The following TMC6 variants were observed in gnomAD, a reference collection of about 807,000 sequenced individuals.
The protein encoded by TMC6 is transmembrane channel-like protein 6.
A neutral mutation model predicts 95.4 loss-of-function variants in TMC6; 71 were observed. The observed-to-expected ratio is 0.74, with a 90% CI of 0.61 to 0.91. TMC6 has a LOEUF of 0.91. Ranked by LOEUF, TMC6 falls within the 40% of genes least tolerant of loss-of-function variation. The pLI, the probability that TMC6 is intolerant of heterozygous loss-of-function variation, is 0.00. For synonymous variants in TMC6, 514 were observed against 483.1 expected, an observed-to-expected ratio of 1.06 and a Z score of -0.84; for missense variants, 1,074 against 1,079.1, an observed-to-expected ratio of 1.00 and a Z score of 0.07.
chr17:78,123,850 TG>T, intron 9 of TMC6, 138 bp downstream of exon 9: 4 of 1,164,300 alleles, frequency 3.4e-6, no homozygotes, highest in Non-Finnish European at 3.8e-6. Flanking sequence ...AGTGGATAGT[TG>T]GATAGGTGAG....
At chr17:78,117,691 C>T (rs1226662183) in intron 16 of TMC6, 47 bp from the exon 17 acceptor site, 2 of 1,554,698 alleles carry the variant, frequency 1.3e-6, no homozygotes, top group Non-Finnish European at 1.7e-6. Flanking sequence ...CAACAGTTCA[C>T]CCGGCTCCCT....
rs118032233 is a variant in TMC6, at chr17:78,111,491, G to C, written c.*1657C>G. The C allele has an allele frequency of 6.6e-6, 1 of 152,396 alleles. No individual in the cohort carries two copies. The highest frequency in any genetic ancestry group is 1.5e-5 in the Non-Finnish European group (1 of 68,142). The allele number at this position is 152,396 out of a possible 1,614,324, so 9.4% of individuals were successfully genotyped here. A position where few individuals can be genotyped will look rare whatever the true frequency, so the allele number is the denominator to read the frequency against. ...TACGTCGGTCCCTGTGGACTGTCAC[G>C]TCACTTTCTGGACTGCCCACGCAGC... On this transcript the variant is annotated 3_prime_UTR_variant, in exon 20 of 20. Transcript: ENST00000590602.
At position 78,119,323 on chromosome 17, in the gene TMC6, C is replaced by G. The variant is rs1180466290; in HGVS notation, c.1785G>C (p.Glu595Asp). 1.2e-6 allele frequency: 2 copies of G among 1,613,954 alleles called. No homozygotes were observed. The highest frequency in any genetic ancestry group is 1.3e-5 in the African/African-American group (1 of 74,934). The part of the protein sequence containing the change: ...PEFDIARNVL[E>D]LIYGQTLTWL... The stretch of plus-strand genomic sequence containing the variant: ...AGGTCAGAGTCTGCCCATAAATCAG[C>G]TCCAGGACATTCCGGGCAATGTCAA... The change falls in exon 14 of 20, where the codon GAG (glutamate) becomes GAC (aspartate). Residue 595 changes from glutamate to aspartate, a missense_variant. Transcript: ENST00000590602.
At chr17:78,125,100 G>A in intron 6 of TMC6, 58 bp downstream of exon 6, 1 of 1,544,272 alleles carries the variant, frequency 6.5e-7, no homozygotes, top group South Asian at 1.2e-5. Context: ...TAGCCCAGCT[G>A]AGGAAGTGGG....
chr17:78,109,261 GC>G lies in TMC6; in HGVS notation c.*3886del, dbSNP rs2073775998. Reference sequence around the variant, plus strand: ...AGCAGACACAGAGGCATCATGGCGAGCCCCGACTGAGTGTTCAGTGAAGAGG... The same window carrying G: ...AGCAGACACAGAGGCATCATGGCGAGCCCGACTGAGTGTTCAGTGAAGAGG... On this transcript the variant is annotated 3_prime_UTR_variant, in exon 20 of 20. Transcript: ENST00000590602. The G allele has an allele frequency of 2.8e-6, 1 of 355,188 alleles. No individual in the cohort carries two copies. The highest frequency in any genetic ancestry group is 3.8e-5 in the Admixed American group (1 of 26,338). 22.0% of individuals were successfully genotyped at this position (355,188 alleles called of 1,614,324 possible). A position where few individuals can be genotyped will look rare whatever the true frequency, so the allele number is the denominator to read the frequency against.
chr17:78,124,220 C>T (rs764219684), intron 8 of TMC6, 41 bp from the exon 9 acceptor site: 29 of 1,606,626 alleles, frequency 1.8e-5, no homozygotes, highest in Middle Eastern at 4.4e-4. Context: ...ACTTTCCCCA[C>T]GCCCCACCCG....
At position 78,109,672 on chromosome 17, in the gene TMC6, C is replaced by A; in HGVS notation, c.*3476G>T. 2.4e-6 allele frequency: 1 copy of A among 416,654 alleles called. No homozygotes were observed. 25.8% of individuals were successfully genotyped at this position (416,654 alleles called of 1,614,324 possible). ...TTCCGAAGCCCCCCAAGCCCACGGGCGTGAGTGCATGCATGCGTTTGTGAC... is the reference window on the plus strand; with the variant it reads ...TTCCGAAGCCCCCCAAGCCCACGGGAGTGAGTGCATGCATGCGTTTGTGAC... On this transcript the variant is annotated 3_prime_UTR_variant, in exon 20 of 20. Transcript: ENST00000590602.
intron 13 of TMC6, chr17:78,120,383 C>A (rs528567923): frequency 2.0e-5 from 11 of 542,138 alleles, no homozygotes; most frequent in African/African-American, 1.9e-4. Flanking sequence ...TGGTCTCAAA[C>A]TCCTGACCTC....
At position 78,128,605 on chromosome 17, in the gene TMC6, C is replaced by G. The variant is rs1176317615; in HGVS notation, c.-75+7G>C. The G allele has an allele frequency of 1.3e-5, 2 of 152,382 alleles. No individual in the cohort carries two copies. Among genetic ancestry groups the G allele is most frequent in the Non-Finnish European group, 1.5e-5 (1 of 68,202 alleles). The allele number at this position is 152,382 out of a possible 1,614,324, so 9.4% of individuals were successfully genotyped here. On this transcript the variant is annotated splice_region_variant and intron_variant, in intron 1 of 19. Transcript: ENST00000590602. The surrounding 1 kb of genome is among the most constrained non-coding windows in gnomAD (Gnocchi z 4.0). ...CGGGACCCGGGACCGGGATCGCGGC[C>G]GCTCACCTGGGAGGCGCCGGGGAGG...
rs951345357 is a variant in TMC6, at chr17:78,121,766, C to T, written c.1228-55G>A. ...ACACCAGAGCACGGGCACACGCAGA[C>T]GTGCAGACACAGCACAACACACACA... is the stretch of plus-strand genomic sequence containing the variant. On this transcript the variant is annotated intron_variant, in intron 10 of 19. Transcript: ENST00000590602. The surrounding 1 kb of genome is among the most constrained non-coding windows in gnomAD (Gnocchi z 5.6). 16 of 1,525,728 alleles carry T rather than the reference C, an allele frequency of 1.0e-5. No homozygotes were observed. The highest frequency in any genetic ancestry group is 2.0e-5 in the Admixed American group (1 of 50,234). The allele number at this position is 1,525,728 out of a possible 1,614,324, so 94.5% of individuals were successfully genotyped here. A position where few individuals can be genotyped will look rare whatever the true frequency, so the allele number is the denominator to read the frequency against.
chr17:78,131,353 G>A (rs2074959200), upstream of TMC6: 1 of 612,692 alleles, frequency 1.6e-6, no homozygotes, highest in Non-Finnish European at 2.9e-6. Flanking sequence ...TTCGACCGCA[G>A]CAGGATTCTC....
rs201082179 is a variant in TMC6 at position 78,124,507 on chromosome 17, T to C, written c.891+17A>G. On this transcript the variant is annotated intron_variant, in intron 8 of 19. Coordinates refer to ENST00000590602, the MANE Select transcript of TMC6 (RefSeq NM_001127198.5). The stretch of plus-strand genomic sequence containing the variant: ...AAGACAGGCACCCCCCGTCCCCCAG[T>C]CCTAGGGCTTCCTCACCGCGCCTGT... 6,753 of 1,607,126 alleles carry C rather than the reference T, an allele frequency of 4.2e-3. 20 individuals are homozygous for C. Among genetic ancestry groups the C allele is most frequent in the Non-Finnish European group, 4.7e-3 (5,579 of 1,179,678 alleles).
intron 13 of TMC6, chr17:78,120,152 C>CTT (rs35789255): frequency 0.013 from 1,934 of 150,608 alleles, 3 homozygotes; most frequent in South Asian, 0.023. Flanking sequence ...ATACACGTTA[C>CTT]TTTTTTTTTT....
At chr17:78,127,447 A>G (rs3813026) in intron 1 of TMC6, among the ~76,000 whole-genome samples, 13,913 of 152,248 alleles carry the variant, frequency 0.091, 844 homozygotes, top group African/African-American at 0.18. Context: ...CACCGCCGTC[A>G]GGGCGCCAAG....
chr17:78,107,514 G>A lies in TMC6; in HGVS notation c.*5634C>T, dbSNP rs528737056. On this transcript the variant is annotated 3_prime_UTR_variant, in exon 20 of 20. Coordinates refer to ENST00000590602, the MANE Select transcript of TMC6 (RefSeq NM_001127198.5). ...GACACTATGGATGTCTACTTTGCACGCTGCGATTGGGAGAGCTGTCCCGCT... is the reference window on the plus strand; with the variant it reads ...GACACTATGGATGTCTACTTTGCACACTGCGATTGGGAGAGCTGTCCCGCT... 2 of 152,288 alleles carry A rather than the reference G, an allele frequency of 1.3e-5. No individual in the cohort carries two copies. Among genetic ancestry groups the A allele is most frequent in the East Asian group, 3.9e-4 (2 of 5,192 alleles). The allele number at this position is 152,288 out of a possible 1,614,324, so 9.4% of individuals were successfully genotyped here. A position where few individuals can be genotyped will look rare whatever the true frequency, so the allele number is the denominator to read the frequency against.
Position 78,117,477 on chromosome 17 carries a change from G to A in TMC6, c.2189C>T (p.Ala730Val). The A allele has an allele frequency of 6.2e-7, 1 of 1,609,898 alleles. No individual in the cohort carries two copies. Among genetic ancestry groups the A allele is most frequent in the Non-Finnish European group, 8.5e-7 (1 of 1,179,148 alleles). Residue 730 changes from alanine to valine, a missense_variant, in exon 17 of 20, where the codon GCC (alanine) becomes GTC (valine). Physicochemically the swap from Ala to Val is moderately conservative, Grantham distance 64 (BLOSUM62 0). Coordinates refer to ENST00000590602, the MANE Select transcript of TMC6 (RefSeq NM_001127198.5). ...ENTFFVFLVSALLLAVIYLNI... is the reference protein window; with the variant it reads ...ENTFFVFLVSVLLLAVIYLNI... ...CACCTGCGGGACTCACAGCAGCAGG[G>A]CTGACACCAGGAAGACAAAGAAGGT...
chr17:78,117,361 G>GC lies in TMC6; in HGVS notation c.2199-15dup. On this transcript the variant is annotated splice_polypyrimidine_tract_variant and intron_variant, in intron 17 of 19. Transcript: ENST00000590602. ...TAGATCACGGCCCTGCGGGAGAGGG[G>GC]CTGTCGGGCAGGGCCCAGGGCCACA... 1.2e-6 allele frequency: 2 copies of GC among 1,613,124 alleles called. No individual in the cohort carries two copies. The highest frequency in any genetic ancestry group is 1.1e-5 in the South Asian group (1 of 91,080).
In TMC6 at chr17:78,117,388, C is replaced by T. The variant is rs375691072; in HGVS notation, c.2199-41G>A. ...TGTCGGGCAGGGCCCAGGGCCACAG[C>T]CCGGGAGCGGCCAGTCCCCACACGG... On this transcript the variant is annotated intron_variant, in intron 17 of 19. Coordinates refer to ENST00000590602, the MANE Select transcript of TMC6 (RefSeq NM_001127198.5). 65 of 1,612,364 alleles carry T rather than the reference C, an allele frequency of 4.0e-5. No homozygotes were observed. The African/African-American group carries it at 5.9e-4, about 15-fold the overall frequency.
intron 19 of TMC6, 136 bp from the exon 20 acceptor site, chr17:78,113,347 T>C: frequency 8.0e-7 from 1 of 1,251,452 alleles, no homozygotes; most frequent in Admixed American, 2.2e-5. Context: ...TTTAGGTCCC[T>C]GTCAAAATGG....
Sources: gnomAD v4.1 joint callset for allele counts (sites outside exome capture counted in the v4.1 genomes callset) on GRCh38, gnomAD v4.1.1 for gene constraint, Gnocchi (gnomAD v3.1) non-coding constraint, MANE v1.5 for transcripts, NCBI Gene and HGNC (gene_info 2026-07-23, HGNC 2026-07-21) for gene names.